The following UBE3C variants were observed in gnomAD, a reference collection of about 807,000 sequenced individuals.
The protein encoded by UBE3C is ubiquitin-protein ligase E3C.
A neutral mutation model predicts 129.4 loss-of-function variants in UBE3C; 42 were observed. The observed-to-expected ratio is 0.32, with a 90% CI of 0.25 to 0.42. The LOEUF (loss-of-function observed/expected upper bound fraction) is 0.42, where lower values mean the gene tolerates loss of function less well. UBE3C is among the 10% of genes least tolerant of loss of function. The pLI is 1.00. For missense variants in UBE3C, 1,049 were observed against 1,319.1 expected (o/e 0.80, Z 3.17); for synonymous variants, 510 against 492.4 (o/e 1.04, Z -0.47).
At position 157,163,754 on chromosome 7, in the gene UBE3C, G is replaced by A. The variant is rs1808138509; in HGVS notation, c.67-56G>A. 3 of 1,560,546 alleles carry A rather than the reference G, an allele frequency of 1.9e-6. No homozygotes were observed. The African/African-American group carries it at 4.1e-5, about 21-fold the overall frequency. On this transcript the variant is annotated intron_variant, in intron 1 of 22. Transcript: ENST00000348165. ...GAAAACATTCTGTAATTTTTGTATGGGAGTTTTAAAATTGAAATTATAACC... is the reference window on the plus strand; with the variant it reads ...GAAAACATTCTGTAATTTTTGTATGAGAGTTTTAAAATTGAAATTATAACC...
At chr7:157,165,132 C>A (rs1275655117) in intron 2 of UBE3C, among the ~76,000 whole-genome samples, 1 of 152,124 alleles carries the variant, frequency 6.6e-6, no homozygotes, top group Non-Finnish European at 1.5e-5. Context: ...ACTGCTCAAC[C>A]AAGAAAGATA....
chr7:157,153,220 G>A (rs1458904288), intron 1 of UBE3C, among the ~76,000 whole-genome samples: 1 of 152,008 alleles, frequency 6.6e-6, no homozygotes, highest in African/African-American at 2.4e-5. Context: ...AAACAAAATT[G>A]TTCAGTTTTG....
intron 5 of UBE3C, among the ~76,000 whole-genome samples, chr7:157,176,967 TA>T (rs771246706): frequency 6.6e-6 from 1 of 152,242 alleles, no homozygotes; most frequent in Non-Finnish European, 1.5e-5. Flanking sequence ...TCTTTTTCTG[TA>T]AATGTGGCCT....
At chr7:157,167,029 A>C (rs1358113140) in intron 2 of UBE3C, among the ~76,000 whole-genome samples, 1 of 152,004 alleles carries the variant, frequency 6.6e-6, no homozygotes, top group Non-Finnish European at 1.5e-5. Context: ...TCCTGGCTTC[A>C]AGTGATTCTC....
At position 157,254,039 on chromosome 7, in the gene UBE3C, G is replaced by A. The variant is rs1796683613; in HGVS notation, c.2780G>A (p.Arg927Lys). The A allele has an allele frequency of 6.2e-7, 1 of 1,613,598 alleles. No individual in the cohort carries two copies. Among genetic ancestry groups the A allele is most frequent in the African/African-American group, 1.3e-5 (1 of 74,896 alleles). Residue 927 changes from arginine (R) to lysine (K), a missense_variant, in exon 20 of 23, where the codon AGG becomes AAG. Physicochemically the swap from Arg to Lys is conservative, Grantham distance 26. Transcript: ENST00000348165. ...TACATCCACTTGGTGGCAGACTACAGGCTGAACAGGCAGATCCGCCAGCAC... is the reference window on the plus strand; with the variant it reads ...TACATCCACTTGGTGGCAGACTACAAGCTGAACAGGCAGATCCGCCAGCAC... ...IAYIHLVADY[R>K]LNRQIRQHCL... is the part of the protein sequence containing the mutation.
chr7:157,158,367 A>G (rs143962519), intron 1 of UBE3C, among the ~76,000 whole-genome samples: 2 of 152,342 alleles, frequency 1.3e-5, no homozygotes, highest in East Asian at 3.9e-4. Context: ...ACCGTAAGCC[A>G]TAGCACCCAA....
At chr7:157,213,128 C>T (rs955695171) in intron 13 of UBE3C, among the ~76,000 whole-genome samples, 3 of 152,174 alleles carry the variant, frequency 2.0e-5, no homozygotes, top group Admixed American at 6.5e-5. Flanking sequence ...TTTAATGTAA[C>T]GTTTTGATCT....
At chr7:157,233,138 C>A (rs1428252813) in intron 18 of UBE3C, among the ~76,000 whole-genome samples, 3 of 151,836 alleles carry the variant, frequency 2.0e-5, no homozygotes, top group Non-Finnish European at 4.4e-5. Flanking sequence ...TAAGTGGAAT[C>A]ATTTGTTATA....
In UBE3C at chr7:157,214,357, T is replaced by A. The variant is rs527949139; in HGVS notation, c.1810-2510T>A. On this transcript the variant is annotated intron_variant, in intron 13 of 22. Transcript: ENST00000348165. ...AATATATGTTCTTATGAACAGAGAT[T>A]GAATAGAAATAGATATCTAGGAGTT... Among the ~76,000 whole-genome samples, 27 of 152,292 alleles carry A rather than the reference T, an allele frequency of 1.8e-4. 1 individual carries two copies. In the South Asian group the frequency reaches 5.6e-3, roughly 32 times the overall value.
At chr7:157,251,044 A>G (rs1796609095) in intron 19 of UBE3C, among the ~76,000 whole-genome samples, 1 of 152,258 alleles carries the variant, frequency 6.6e-6, no homozygotes, top group African/African-American at 2.4e-5. Flanking sequence ...CTGAGTTAAA[A>G]AATTATAGAT....
intron 1 of UBE3C, 105 bp downstream of exon 1, chr7:157,139,443 T>G: frequency 5.2e-5 from 19 of 362,110 alleles, no homozygotes; most frequent in South Asian, 5.0e-4. Flanking sequence ...GGCCGAGACT[T>G]GGGGCTGGAT....
chr7:157,168,328 C>G (rs1808273127), intron 2 of UBE3C, among the ~76,000 whole-genome samples: 1 of 119,238 alleles, frequency 8.4e-6, no homozygotes, highest in African/African-American at 4.1e-5. Context: ...GAGCAAGACT[C>G]TGTCTCAAAA....
chr7:157,224,320 A>G (rs1036692303), intron 16 of UBE3C, among the ~76,000 whole-genome samples: 2 of 151,962 alleles, frequency 1.3e-5, no homozygotes, highest in African/African-American at 4.8e-5. Context: ...TCAGCCTCCC[A>G]AGTAGCTAGG....
intron 22 of UBE3C, 44 bp downstream of exon 22, chr7:157,257,088 T>G (rs372547823): frequency 6.2e-7 from 1 of 1,608,950 alleles, no homozygotes; most frequent in South Asian, 1.1e-5. Flanking sequence ...CACTTCATAA[T>G]AAGAAAGGCA....
At chr7:157,266,268 T>C (rs368778915) in intron 22 of UBE3C, among the ~76,000 whole-genome samples, 1 of 152,168 alleles carries the variant, frequency 6.6e-6, no homozygotes, top group Non-Finnish European at 1.5e-5. Context: ...AAGCCGAGAT[T>C]GCACCACTGC....
intron 18 of UBE3C, among the ~76,000 whole-genome samples, chr7:157,246,225 A>G (rs1796473038): frequency 7.0e-6 from 1 of 143,716 alleles, no homozygotes; most frequent in Non-Finnish European, 1.5e-5. Flanking sequence ...TGCGCATTTT[A>G]TAGACTACAC....
chr7:157,182,109 C>A lies in UBE3C; in HGVS notation c.772C>A (p.Gln258Lys). The A allele has an allele frequency of 1.3e-6, 2 of 1,553,362 alleles. No individual in the cohort carries two copies. Among genetic ancestry groups the A allele is most frequent in the Non-Finnish European group, 1.7e-6 (2 of 1,156,408 alleles). Residue 258 changes from glutamine to lysine, a missense_variant and splice_region_variant, in exon 8 of 23, where the codon CAA becomes AAA. Transcript: ENST00000348165. Reference sequence around the variant, plus strand: ...AAAGCTTCTGTTTTTCTTTTTCAGGCAACAAGTTTTTACAGCCTTCACAGA... The same window carrying A: ...AAAGCTTCTGTTTTTCTTTTTCAGGAAACAAGTTTTTACAGCCTTCACAGA... ...TYNSCPEGAR[Q>K]QVFTAFTEEF...
At chr7:157,208,756 A>G (rs1239238827) in intron 13 of UBE3C, among the ~76,000 whole-genome samples, 1 of 152,226 alleles carries the variant, frequency 6.6e-6, no homozygotes, top group Non-Finnish European at 1.5e-5. Context: ...GAATGTTGGC[A>G]GGAAACCACC....
chr7:157,179,013 C>G (rs1381009155), intron 6 of UBE3C, among the ~76,000 whole-genome samples, 166 bp downstream of exon 6: 1 of 151,940 alleles, frequency 6.6e-6, no homozygotes, highest in Non-Finnish European at 1.5e-5. Flanking sequence ...GTCCCAGATT[C>G]CAAAATCTGT....
Sources: allele counts gnomAD v4.1 joint callset (sites outside exome capture counted in the v4.1 genomes callset), GRCh38; gene constraint gnomAD v4.1.1; transcripts MANE v1.5; gene names NCBI Gene and HGNC (gene_info 2026-07-23, HGNC 2026-07-21).